The following CFAP47 variants were observed in gnomAD, a reference collection of about 807,000 sequenced individuals.
The protein encoded by CFAP47 is cilia- and flagella-associated protein 47.
In CFAP47, 29 loss-of-function variants were observed where a neutral mutation model predicts 148.1. The ratio of observed to expected loss-of-function variants is 0.20; its 90% CI spans 0.15 to 0.27. The LOEUF (loss-of-function observed/expected upper bound fraction) is 0.27, where lower values mean the gene tolerates loss of function less well. Among genes scored for constraint, CFAP47 ranks in the 10% least tolerant of loss-of-function variants. CFAP47 has a pLI of 1.00. For missense variants in CFAP47, 1,872 were observed against 1,697.5 expected (o/e 1.10, Z -1.81); for synonymous variants, 664 against 577.3 (o/e 1.15, Z -2.15).
At chrX:36,328,626 A>C (rs1241421816) in intron 57 of CFAP47, among the ~76,000 whole-genome samples, 2 of 107,597 alleles carry the variant, frequency 1.9e-5, no homozygotes, top group East Asian at 5.8e-4. Context: ...CTGGCTAACA[A>C]GGTGAAACCC....
intron 57 of CFAP47, among the ~76,000 whole-genome samples, chrX:36,321,592 G>A (rs1941479641): frequency 9.0e-6 from 1 of 111,655 alleles, no homozygotes; most frequent in South Asian, 3.7e-4. Context: ...TTACCCTGAT[G>A]TGATTATCAC....
At chrX:36,028,112 T>C (rs6632461) in intron 22 of CFAP47, among the ~76,000 whole-genome samples, 28,131 of 110,459 alleles carry the variant, frequency 0.25, 4,952 homozygotes, top group African/African-American at 0.62. Context: ...TGTCTGTTTA[T>C]TCTTTCTCTT....
intron 61 of CFAP47, among the ~76,000 whole-genome samples, chrX:36,364,832 T>G (rs1163802551): frequency 2.0e-5 from 2 of 101,965 alleles, no homozygotes; most frequent in African/African-American, 3.6e-5. Flanking sequence ...GGAAAACGTG[T>G]GTACATGATT....
intron 27 of CFAP47, among the ~76,000 whole-genome samples, chrX:36,071,009 C>A (rs1310487832): frequency 8.9e-6 from 1 of 112,515 alleles, no homozygotes; most frequent in Non-Finnish European, 1.9e-5. Context: ...CTACCCTCTG[C>A]CTAGGGCTAG....
At chrX:36,243,571 TAAG>T (rs1302124514) in intron 48 of CFAP47, among the ~76,000 whole-genome samples, 5 of 98,322 alleles carry the variant, frequency 5.1e-5, no homozygotes, top group Non-Finnish European at 8.3e-5. Flanking sequence ...CAACAACAAT[TAAG>T]AAGAACAAAA....
intron 44 of CFAP47, among the ~76,000 whole-genome samples, chrX:36,202,604 G>A (rs1939993613): frequency 1.8e-5 from 2 of 111,590 alleles, no homozygotes; most frequent in African/African-American, 6.5e-5. Flanking sequence ...CTGGCCAGGC[G>A]TGGTGTCTCA....
In CFAP47 at chrX:36,235,973, A is replaced by G. The variant is rs892757289; in HGVS notation, c.7054A>G (p.Ile2352Val). ...CGATAAATGGACCTTTCAAGTTACT[A>G]TAGAAGGAGAATGGTTTTATGGACC... Reference protein sequence around the residue: ...TNDKWTFQVTIEGEWFYGPVD... With the variant: ...TNDKWTFQVTVEGEWFYGPVD... The change falls in exon 47 of 64, where the codon ATA becomes GTA. Residue 2352 changes from isoleucine (I) to valine (V), a missense_variant. By Grantham distance (29) the Ile-to-Val change is conservative. Transcript: ENST00000378653. 10 of 513,647 alleles carry G rather than the reference A, an allele frequency of 1.9e-5. No homozygotes were observed. Among genetic ancestry groups the G allele is most frequent in the African/African-American group, 9.3e-5 (4 of 42,952 alleles). The allele number at this position is 513,647 out of a possible 1,213,427, so 42.3% of individuals were successfully genotyped here.
intron 22 of CFAP47, among the ~76,000 whole-genome samples, chrX:36,025,514 A>G (rs1937206043): frequency 9.0e-6 from 1 of 110,866 alleles, no homozygotes; most frequent in African/African-American, 3.3e-5. Context: ...GGTGACGCAT[A>G]TCTGTAGACC....
intron 46 of CFAP47, among the ~76,000 whole-genome samples, chrX:36,230,514 T>C (rs1169332079): frequency 9.9e-6 from 1 of 101,052 alleles, no homozygotes; most frequent in African/African-American, 4.2e-5. Flanking sequence ...ATATTAGCCC[T>C]TTGTCAGCTG....
intron 29 of CFAP47, 36 bp downstream of exon 29, chrX:36,073,400 A>G (rs1310744372): frequency 1.2e-6 from 1 of 861,972 alleles, no homozygotes; most frequent in Admixed American, 2.6e-5. Flanking sequence ...TCTTTGCTTC[A>G]TATCACATCA....
At chrX:36,141,974 T>G (rs925981861) in intron 35 of CFAP47, among the ~76,000 whole-genome samples, 30 of 110,984 alleles carry the variant, frequency 2.7e-4, no homozygotes, top group Non-Finnish European at 5.1e-4. Context: ...TTGCATATCA[T>G]TGACCGGAAT....
At chrX:36,164,135 G>A (rs1939462845) in intron 39 of CFAP47, among the ~76,000 whole-genome samples, 1 of 111,399 alleles carries the variant, frequency 9.0e-6, no homozygotes, top group South Asian at 3.7e-4. Flanking sequence ...CTCATGAGAA[G>A]AATCTATATT....
intron 42 of CFAP47, among the ~76,000 whole-genome samples, chrX:36,196,599 C>A (rs782003754): frequency 2.1e-4 from 23 of 110,642 alleles, no homozygotes; most frequent in Non-Finnish European, 3.0e-4. Context: ...GTGTTTGTAT[C>A]CCTCTTTTCT....
intron 48 of CFAP47, among the ~76,000 whole-genome samples, chrX:36,247,444 A>T (rs1318215989): frequency 9.0e-6 from 1 of 111,306 alleles, no homozygotes. Context: ...ATTATTAAAA[A>T]ACTTAAAAAT....
At chrX:36,240,929 T>G (rs1409869426) in intron 48 of CFAP47, among the ~76,000 whole-genome samples, 1 of 111,031 alleles carries the variant, frequency 9.0e-6, no homozygotes, top group Non-Finnish European at 1.9e-5. Flanking sequence ...AGCCAAGAAC[T>G]GCTGTTCCCA....
intron 2 of CFAP47, among the ~76,000 whole-genome samples, chrX:35,932,244 TTTTC>T (rs780392333): frequency 7.7e-4 from 82 of 106,273 alleles, no homozygotes; most frequent in African/African-American, 1.2e-3. Flanking sequence ...TTTTCTTTTC[TTTTC>T]TTTCTTTCTT....
chrX:36,130,470 T>G (rs1286436326), intron 33 of CFAP47, among the ~76,000 whole-genome samples: 1 of 110,990 alleles, frequency 9.0e-6, no homozygotes, highest in African/African-American at 3.3e-5. Flanking sequence ...TTGTACACTG[T>G]TGGGGGGAAT....
chrX:36,028,618 G>A (rs1271500586), intron 22 of CFAP47, among the ~76,000 whole-genome samples: 3 of 110,946 alleles, frequency 2.7e-5, no homozygotes, highest in Admixed American at 1.9e-4. Flanking sequence ...TTAAGCTATC[G>A]TAAATGAGAT....
intron 19 of CFAP47, among the ~76,000 whole-genome samples, chrX:35,998,733 G>A (rs1387537467): frequency 9.0e-6 from 1 of 111,478 alleles, no homozygotes; most frequent in Non-Finnish European, 1.9e-5. Flanking sequence ...CAAATACTAA[G>A]TTAGCTTGTC....
Sources: allele counts gnomAD v4.1 joint callset (sites outside exome capture counted in the v4.1 genomes callset), GRCh38; gene constraint gnomAD v4.1.1; transcripts MANE v1.5; gene names NCBI Gene and HGNC (gene_info 2026-07-23, HGNC 2026-07-21).